Variants in XYLT1 observed in about 807,000 individuals in gnomAD.
XYLT1 encodes beta-D-xylosyltransferase 1.
In XYLT1, 36 loss-of-function variants were observed where a neutral mutation model predicts 91.3. That is an observed-to-expected ratio of 0.39 (90% CI 0.30 to 0.52). The LOEUF is 0.52. XYLT1 is among the 20% of genes least tolerant of loss of function. The pLI is 0.68. For synonymous variants in XYLT1, 588 were observed against 532.0 expected, an observed-to-expected ratio of 1.11 and a Z score of -1.45; for missense variants, 1,242 against 1,284.5, an observed-to-expected ratio of 0.97 and a Z score of 0.51.
intron 2 of XYLT1, among the ~76,000 whole-genome samples, chr16:17,347,826 C>T (rs2035165351): frequency 6.6e-6 from 1 of 152,192 alleles, no homozygotes; most frequent in South Asian, 2.1e-4. Flanking sequence ...GGAAAACTAA[C>T]AAGGGAGGTG....
intron 2 of XYLT1, among the ~76,000 whole-genome samples, chr16:17,265,674 A>G (rs1018544383): frequency 6.6e-6 from 1 of 152,168 alleles, no homozygotes; most frequent in Admixed American, 6.5e-5. Context: ...AGGTAGAAAT[A>G]TGCTAAACAT....
chr16:17,281,568 G>A (rs2034059054), intron 2 of XYLT1, among the ~76,000 whole-genome samples: 1 of 152,186 alleles, frequency 6.6e-6, no homozygotes. Context: ...CAATGCTATG[G>A]AACCCTGGCT....
intron 1 of XYLT1, among the ~76,000 whole-genome samples, chr16:17,460,451 G>T (rs1339971279): frequency 6.6e-6 from 1 of 152,246 alleles, no homozygotes. Flanking sequence ...ACTCCATCAT[G>T]CCAGGGCAAG....
At position 17,103,757 on chromosome 16, in the gene XYLT1, C is replaced by T. The variant is rs1966738776; in HGVS notation, c.*4938G>A. The T allele has an allele frequency of 6.6e-6, 1 of 152,128 alleles. No individual in the cohort carries two copies. Among genetic ancestry groups the T allele is most frequent in the African/African-American group, 2.4e-5 (1 of 41,376 alleles). 9.4% of individuals were successfully genotyped at this position (152,128 alleles called of 1,614,324 possible). The stretch of plus-strand genomic sequence containing the variant: ...CAGAGGCAGTTGGAATATTCCCAGC[C>T]AAGTGGAGAGGGAAGAGAGGTCACT... On this transcript the variant is annotated 3_prime_UTR_variant, in exon 12 of 12. Coordinates refer to ENST00000261381, the MANE Select transcript of XYLT1 (RefSeq NM_022166.4).
At chr16:17,230,195 A>C (rs532994205) in intron 3 of XYLT1, among the ~76,000 whole-genome samples, 88 of 152,296 alleles carry the variant, frequency 5.8e-4, no homozygotes, top group African/African-American at 1.8e-3. Flanking sequence ...CGCTGGTTGA[A>C]GCGATTTGTT....
intron 1 of XYLT1, among the ~76,000 whole-genome samples, chr16:17,454,918 C>G (rs1349913717): frequency 5.8e-5 from 6 of 103,224 alleles, no homozygotes; most frequent in African/African-American, 1.3e-4. Flanking sequence ...CCCCCGCCCC[C>G]CCCCGCAACT....
intron 2 of XYLT1, among the ~76,000 whole-genome samples, chr16:17,346,630 C>G (rs2035147472): frequency 6.6e-6 from 1 of 152,204 alleles, no homozygotes; most frequent in Non-Finnish European, 1.5e-5. Context: ...AGGCCCATGG[C>G]ACAACTTTGA....
intron 3 of XYLT1, among the ~76,000 whole-genome samples, chr16:17,247,959 T>A (rs2033468232): frequency 6.6e-6 from 1 of 152,178 alleles, no homozygotes; most frequent in African/African-American, 2.4e-5. Flanking sequence ...AGCATGATTC[T>A]GTAGAGAGAG....
intron 3 of XYLT1, among the ~76,000 whole-genome samples, chr16:17,224,377 T>A (rs762672363): frequency 2.4e-4 from 37 of 152,224 alleles, no homozygotes; most frequent in Non-Finnish European, 4.7e-4. Flanking sequence ...ACCAGGCACG[T>A]GCATGCCTAA....
At chr16:17,146,594 C>A (rs1270979917) in intron 6 of XYLT1, among the ~76,000 whole-genome samples, 1 of 152,098 alleles carries the variant, frequency 6.6e-6, no homozygotes, top group Admixed American at 6.6e-5. Context: ...CTGAAATGCA[C>A]TTCCACTCCT....
intron 2 of XYLT1, among the ~76,000 whole-genome samples, chr16:17,268,018 G>C (rs1330546737): frequency 6.6e-6 from 1 of 152,128 alleles, no homozygotes; most frequent in East Asian, 1.9e-4. Context: ...GAACTGTTGG[G>C]GGTCCCTGAG....
intron 3 of XYLT1, among the ~76,000 whole-genome samples, chr16:17,220,597 C>T (rs537494061): frequency 2.0e-5 from 3 of 152,312 alleles, no homozygotes; most frequent in African/African-American, 4.8e-5. Context: ...CTCAGCCTCC[C>T]GAGTAGCTGG....
At chr16:17,348,501 G>C (rs1002248485) in intron 2 of XYLT1, among the ~76,000 whole-genome samples, 4 of 152,158 alleles carry the variant, frequency 2.6e-5, no homozygotes, top group African/African-American at 9.7e-5. Context: ...TCTTGGACCA[G>C]GGACTGAGCC....
chr16:17,304,034 T>C (rs2034436879), intron 2 of XYLT1, among the ~76,000 whole-genome samples: 1 of 152,096 alleles, frequency 6.6e-6, no homozygotes, highest in African/African-American at 2.4e-5. Flanking sequence ...CATGCAGATA[T>C]ATATGATAGT....
At chr16:17,412,037 G>A (rs1307588616) in intron 1 of XYLT1, among the ~76,000 whole-genome samples, 10 of 152,082 alleles carry the variant, frequency 6.6e-5, no homozygotes, top group Non-Finnish European at 1.0e-4. Flanking sequence ...CATAAAAGGG[G>A]GAACAAGATC....
At chr16:17,290,194 T>A (rs1172290776) in intron 2 of XYLT1, among the ~76,000 whole-genome samples, 1 of 152,280 alleles carries the variant, frequency 6.6e-6, no homozygotes, top group African/African-American at 2.4e-5. Flanking sequence ...GTTTAGAGGC[T>A]GAAAGCCACA....
rs535616021 is a variant in XYLT1, at chr16:17,404,460, T to A, written c.364-46410A>T. On this transcript the variant is annotated intron_variant, in intron 1 of 11. Transcript: ENST00000261381. ...GAGCCAGATGTTGCCCCATTTAACC[T>A]CCAAGACTCTCCTGTGAGGTGAGAA... Among the ~76,000 whole-genome samples the A allele has an allele frequency of 3.7e-4, 57 of 152,222 alleles. No homozygotes were observed. The South Asian group carries it at 3.9e-3, about 11-fold the overall frequency.
chr16:17,221,654 G>A (rs962616707), intron 3 of XYLT1, among the ~76,000 whole-genome samples: 1 of 152,092 alleles, frequency 6.6e-6, no homozygotes, highest in Admixed American at 6.5e-5. Flanking sequence ...CAGGAGGATC[G>A]CTTGAGCCTG....
chr16:17,459,493 C>T (rs2036787107), intron 1 of XYLT1, among the ~76,000 whole-genome samples: 2 of 152,166 alleles, frequency 1.3e-5, no homozygotes, highest in African/African-American at 4.8e-5. Flanking sequence ...TGGTGCATCA[C>T]GATTGGTGTC....
Sources: allele counts gnomAD v4.1 joint callset (sites outside exome capture counted in the v4.1 genomes callset), GRCh38; gene constraint gnomAD v4.1.1; transcripts MANE v1.5; gene names NCBI Gene and HGNC (gene_info 2026-07-23, HGNC 2026-07-21).